The following FAM117B variants were observed in gnomAD, a reference collection of about 807,000 sequenced individuals.
FAM117B encodes family with sequence similarity 117 member B.
FAM117B carries 22 observed loss-of-function variants against 52.8 expected under a neutral mutation model. That is an observed-to-expected ratio of 0.42 (90% confidence interval 0.30 to 0.59). The LOEUF (loss-of-function observed/expected upper bound fraction) is 0.59, where lower values mean the gene tolerates loss of function less well. Among genes scored for constraint, FAM117B ranks in the 20% least tolerant of loss-of-function variants. The pLI is 0.22. For synonymous variants in FAM117B, 309 were observed against 324.1 expected, an observed-to-expected ratio of 0.95 and a Z score of 0.50; for missense variants, 678 against 802.6, an observed-to-expected ratio of 0.84 and a Z score of 1.88.
At position 202,768,791 on chromosome 2, in the gene FAM117B, AT is replaced by A. The variant is rs1220303378; in HGVS notation, c.*3028del. The stretch of plus-strand genomic sequence containing the variant: ...ATATAATTTAAATTTTTTTAATTTT[AT>A]AAAAATTTATTTCCATTGCATTAAA... On this transcript the variant is annotated 3_prime_UTR_variant, in exon 8 of 8. Coordinates refer to ENST00000392238, the MANE Select transcript of FAM117B (RefSeq NM_173511.4). 6.6e-6 allele frequency: 1 copy of A among 152,200 alleles called. No homozygotes were observed. Among genetic ancestry groups the A allele is most frequent in the Admixed American group, 6.5e-5 (1 of 15,278 alleles). The allele number at this position is 152,200 out of a possible 1,614,324, so 9.4% of individuals were successfully genotyped here.
rs1158185300 is a variant in FAM117B at position 202,673,433 on chromosome 2, G to GTTTTTTTTTTTTTTTTTTTTTTTT, written c.602-22439_602-22416dup. 1.1e-4 allele frequency among the ~76,000 whole-genome samples: 4 copies of GTTTTTTTTTTTTTTTTTTTTTTTT among 37,534 alleles called. 1 individual carries two copies. Among genetic ancestry groups the GTTTTTTTTTTTTTTTTTTTTTTTT allele is most frequent in the African/African-American group, 3.1e-4 (2 of 6,448 alleles). The allele number at this position is 37,534 out of a possible 152,430, so 24.6% of individuals were successfully genotyped here. Reference sequence around the variant, plus strand: ...TAGCCTACCCTATTTTTCTTTTTCTGTTTTTTTTTTTTTTTTTTTTTTTTT... The same window carrying GTTTTTTTTTTTTTTTTTTTTTTTT: ...TAGCCTACCCTATTTTTCTTTTTCTGTTTTTTTTTTTTTTTTTTTTTTTTTTTTTTTTTTTTTTTTTTTTTTTTT... On this transcript the variant is annotated intron_variant, in intron 1 of 7. Coordinates refer to ENST00000392238, the MANE Select transcript of FAM117B (RefSeq NM_173511.4).
chr2:202,635,887 C>A (rs1282162021), intron 1 of FAM117B, 99 bp downstream of exon 1: 8 of 1,223,856 alleles, frequency 6.5e-6, no homozygotes, highest in Admixed American at 4.4e-5. Context: ...TGCCGCGGAG[C>A]CCGGGTGGCT....
At chr2:202,673,454 TTTTTTTTTTTTG>T (rs1335210965) in intron 1 of FAM117B, among the ~76,000 whole-genome samples, 2 of 127,922 alleles carry the variant, frequency 1.6e-5, no homozygotes, top group African/African-American at 3.1e-5. Context: ...TTTTTTTTTT[TTTTTTTTTTTTG>T]AGACGTTGTC....
At chr2:202,737,310 TAATAA>T (rs1691454841) in intron 4 of FAM117B, among the ~76,000 whole-genome samples, 1 of 152,246 alleles carries the variant, frequency 6.6e-6, no homozygotes, top group Non-Finnish European at 1.5e-5. Context: ...AATTATTGTA[TAATAA>T]AATGGACATT....
In FAM117B at chr2:202,635,640, G is replaced by T. The variant is rs751709954; in HGVS notation, c.453G>T (p.Ser151=). The change falls in exon 1 of 8, where the codon TCG becomes TCT. Residue 151 remains serine (S), a synonymous_variant. Coordinates refer to ENST00000392238, the MANE Select transcript of FAM117B (RefSeq NM_173511.4). ...CGCCGCCGCTGCTGGGCACCGTGTC[G>T]TCGCCCAGCTCGTCGCCCACCCACC... The part of the protein sequence containing the change: ...PPPPPLLGTV[S]SPSSSPTHLW... 1.1e-5 allele frequency: 14 copies of T among 1,332,108 alleles called. No individual in the cohort carries two copies. The Middle Eastern group carries it at 8.4e-4, about 80-fold the overall frequency. 82.5% of individuals were successfully genotyped at this position (1,332,108 alleles called of 1,614,324 possible).
At chr2:202,689,784 G>A (rs909909995) in intron 1 of FAM117B, among the ~76,000 whole-genome samples, 2 of 151,942 alleles carry the variant, frequency 1.3e-5, no homozygotes, top group African/African-American at 4.8e-5. Flanking sequence ...TGGGTGTAGT[G>A]GTGCGTGCCT....
chr2:202,689,601 A>C (rs72928925), intron 1 of FAM117B, among the ~76,000 whole-genome samples: 19,799 of 152,024 alleles, frequency 0.13, 1,625 homozygotes, highest in Non-Finnish European at 0.18. Flanking sequence ...GTTTCTGTGG[A>C]TAATAGGAGA....
chr2:202,662,613 C>T (rs1355798673), intron 1 of FAM117B, among the ~76,000 whole-genome samples: 1 of 152,102 alleles, frequency 6.6e-6, no homozygotes, highest in Non-Finnish European at 1.5e-5. Context: ...GTGGCTGAGG[C>T]GGGTGGATCA....
At chr2:202,641,311 C>T (rs969807836) in intron 1 of FAM117B, among the ~76,000 whole-genome samples, 2 of 152,084 alleles carry the variant, frequency 1.3e-5, no homozygotes, top group African/African-American at 4.8e-5. Flanking sequence ...TTCTTTGTGG[C>T]TTGAAATGTA....
chr2:202,687,720 G>A (rs1463762790), intron 1 of FAM117B, among the ~76,000 whole-genome samples: 1 of 152,066 alleles, frequency 6.6e-6, no homozygotes, highest in Non-Finnish European at 1.5e-5. Flanking sequence ...CTGGTACATT[G>A]TTTTTTATGT....
chr2:202,741,514 C>T (rs183384663), intron 4 of FAM117B, among the ~76,000 whole-genome samples: 64 of 148,876 alleles, frequency 4.3e-4, no homozygotes, highest in African/African-American at 1.5e-3. Flanking sequence ...GGAAAACCTC[C>T]GAGAATCAAT....
intron 4 of FAM117B, among the ~76,000 whole-genome samples, chr2:202,743,582 C>G (rs1332301366): frequency 6.6e-6 from 1 of 151,970 alleles, no homozygotes; most frequent in Non-Finnish European, 1.5e-5. Context: ...AAAAACAGTT[C>G]AAAACAGTGA....
At chr2:202,738,459 A>G (rs890862765) in intron 4 of FAM117B, among the ~76,000 whole-genome samples, 1 of 152,084 alleles carries the variant, frequency 6.6e-6, no homozygotes, top group African/African-American at 2.4e-5. Flanking sequence ...ATAAAAAAAG[A>G]AGACATCAGT....
At position 202,757,220 on chromosome 2, in the gene FAM117B, A is replaced by G; in HGVS notation, c.1112A>G (p.Asp371Gly). The change falls in exon 6 of 8, where the codon GAT becomes GGT. Residue 371 changes from aspartate (D) to glycine (G), a missense_variant. Transcript: ENST00000392238. ...TTTACAATTTTGTAACAGCCGCAAG[A>G]TATTCCAGATGGCCATCGTGCTCCA... The part of the protein sequence containing the change: ...GEKEEQLIPQ[D>G]IPDGHRAPPP... 6.2e-7 allele frequency: 1 copy of G among 1,613,936 alleles called. No homozygotes were observed. Among genetic ancestry groups the G allele is most frequent in the South Asian group, 1.1e-5 (1 of 91,070 alleles).
At chr2:202,684,825 A>C (rs557808584) in intron 1 of FAM117B, among the ~76,000 whole-genome samples, 1 of 152,306 alleles carries the variant, frequency 6.6e-6, no homozygotes, top group South Asian at 2.1e-4. Context: ...GCTTATAGGA[A>C]TATAACTGTA....
At chr2:202,726,407 T>TCC in intron 4 of FAM117B, 44 bp downstream of exon 4, 1 of 1,418,904 alleles carries the variant, frequency 7.0e-7, no homozygotes, top group Non-Finnish European at 9.8e-7. Context: ...GAATTTGTTG[T>TCC]TTTTCTGGTG....
chr2:202,761,233 G>A (rs887975531), intron 7 of FAM117B, among the ~76,000 whole-genome samples: 3 of 152,332 alleles, frequency 2.0e-5, no homozygotes, highest in Non-Finnish European at 4.4e-5. Flanking sequence ...TGGCCCTTAG[G>A]ATTTGCCTAA....
chr2:202,649,693 A>G (rs1006118698), intron 1 of FAM117B, among the ~76,000 whole-genome samples: 1 of 151,814 alleles, frequency 6.6e-6, no homozygotes, highest in African/African-American at 2.4e-5. Flanking sequence ...CTGGGATCAC[A>G]GGCACGCGCC....
chr2:202,686,372 A>G (rs1042175229), intron 1 of FAM117B, among the ~76,000 whole-genome samples: 4 of 152,248 alleles, frequency 2.6e-5, no homozygotes, highest in African/African-American at 9.6e-5. Context: ...TTATAAAGGG[A>G]GACTTACACT....
Sources: gnomAD v4.1 joint callset for allele counts (sites outside exome capture counted in the v4.1 genomes callset) on GRCh38, gnomAD v4.1.1 for gene constraint, MANE v1.5 for transcripts, NCBI Gene and HGNC (gene_info 2026-07-23, HGNC 2026-07-21) for gene names.